Variants in GNG3 observed in about 807,000 individuals in gnomAD.
GNG3 encodes guanine nucleotide-binding protein G(I)/G(S)/G(O) subunit gamma-3.
Under a neutral mutation model 5.6 loss-of-function variants are expected in GNG3, and 4 were observed. The observed-to-expected ratio is 0.71, with a 90% CI of 0.35 to 1.63. GNG3 has a LOEUF of 1.63. Among genes scored for constraint, GNG3 ranks in the 40% most tolerant of loss-of-function variants. The pLI is 0.05. For missense variants in GNG3, 62 were observed against 96.6 expected (o/e 0.64, Z 1.50); for synonymous variants, 30 against 33.5 (o/e 0.89, Z 0.36).
chr11:62,707,611 G>A (rs1359082317), upstream of GNG3: 1 of 524,558 alleles, frequency 1.9e-6, no homozygotes, highest in Non-Finnish European at 3.4e-6. Flanking sequence ...GTGTGCGCAG[G>A]GATGCAGGCA....
chr11:62,708,605 C>A, intron 2 of GNG3, 73 bp from the exon 3 acceptor site: 1 of 1,586,812 alleles, frequency 6.3e-7, no homozygotes, highest in Non-Finnish European at 8.6e-7. Flanking sequence ...CAAAAGAGAA[C>A]CCATTTGGGG....
chr11:62,707,533 G>A, upstream of GNG3: 2 of 611,550 alleles, frequency 3.3e-6, no homozygotes, highest in Non-Finnish European at 5.8e-6. Context: ...CTGTTGGGGA[G>A]GTCTCTAGCC....
upstream of GNG3, chr11:62,707,072 G>A (rs1489485490): frequency 7.2e-6 from 11 of 1,525,948 alleles, no homozygotes; most frequent in Admixed American, 2.0e-5. Flanking sequence ...CCTATTTCCA[G>A]TATATTTCTG....
upstream of GNG3, chr11:62,707,172 T>G: frequency 6.4e-7 from 1 of 1,553,930 alleles, no homozygotes; most frequent in Non-Finnish European, 8.7e-7. Context: ...CTTCCTCCTT[T>G]TGGTCTACCT....
chr11:62,708,912 C>T lies in GNG3; in HGVS notation c.*106C>T, dbSNP rs1336624408. On this transcript the variant is annotated 3_prime_UTR_variant, in exon 3 of 3. Coordinates refer to ENST00000294117, the MANE Select transcript of GNG3 (RefSeq NM_012202.5). ...TAGGCTCCTTGCATCCCATCCCTAA[C>T]CCTTGCCTGACCATGTGAGGTTATC... 2 of 846,262 alleles carry T rather than the reference C, an allele frequency of 2.4e-6. No individual in the cohort carries two copies. The highest frequency in any genetic ancestry group is 3.9e-6 in the Non-Finnish European group (2 of 511,312). 52.4% of individuals were successfully genotyped at this position (846,262 alleles called of 1,614,324 possible). A position where few individuals can be genotyped will look rare whatever the true frequency, so the allele number is the denominator to read the frequency against.
At position 62,709,162 on chromosome 11, in the gene GNG3, G is replaced by C; in HGVS notation, c.*356G>C. ...TCAGTCTCACCTGGAGCTACTGGGA[G>C]GGTAAAGCCATTTGAAGAATAAAGT... On this transcript the variant is annotated 3_prime_UTR_variant, in exon 3 of 3. Coordinates refer to ENST00000294117, the MANE Select transcript of GNG3 (RefSeq NM_012202.5). The C allele has an allele frequency of 4.3e-6, 2 of 468,600 alleles. No individual in the cohort carries two copies. Among genetic ancestry groups the C allele is most frequent in the Non-Finnish European group, 4.2e-6 (1 of 236,402 alleles). 29.0% of individuals were successfully genotyped at this position (468,600 alleles called of 1,614,324 possible).
At chr11:62,707,151 T>G, upstream of GNG3, 1 of 1,554,710 alleles carries the variant, frequency 6.4e-7, no homozygotes, top group African/African-American at 1.4e-5. Flanking sequence ...CGCACACCTC[T>G]TTTTCCCCAG....
Position 62,708,652 on chromosome 11 carries a change from CAA to C in GNG3, c.100-25_100-24del, listed in dbSNP as rs2134753232. On this transcript the variant is annotated intron_variant, in intron 2 of 2. Transcript: ENST00000294117. ...AGTCCCCTTCAGAGGTCCTGGCTAA[CAA>C]TACCCTTCCTGGCTGTGTCCCAGGT... The C allele has an allele frequency of 2.5e-6, 4 of 1,612,510 alleles. No individual in the cohort carries two copies. In the East Asian group the frequency reaches 8.9e-5, roughly 36 times the overall value.
chr11:62,706,827 C>T (rs1270876829), upstream of GNG3: 4 of 592,482 alleles, frequency 6.8e-6, no homozygotes, highest in East Asian at 1.3e-4. Flanking sequence ...TGTGGACCTC[C>T]TCTGACCCTA....
upstream of GNG3, chr11:62,706,630 T>C: frequency 4.2e-6 from 2 of 472,600 alleles, no homozygotes; most frequent in South Asian, 3.1e-5. Context: ...ACAGGCCATT[T>C]CACCCGCGAA....
intron 1 of GNG3, 123 bp from the exon 2 acceptor site, chr11:62,708,172 G>A (rs1293456031): frequency 2.8e-6 from 2 of 726,032 alleles, no homozygotes; most frequent in East Asian, 2.5e-5. Context: ...AGGAGGAGGA[G>A]GAGGATAGGA....
intron 2 of GNG3, 40 bp downstream of exon 2, chr11:62,708,434 C>G: frequency 1.4e-6 from 2 of 1,407,726 alleles, no homozygotes; most frequent in South Asian, 1.2e-5. Context: ...GTTGGCCAGG[C>G]TGTGCTGTGC....
At chr11:62,708,090 G>A (rs2083573161) in intron 1 of GNG3, 175 bp downstream of exon 1, 1 of 597,840 alleles carries the variant, frequency 1.7e-6, no homozygotes, top group Non-Finnish European at 3.0e-6. Flanking sequence ...CAGGCCATGA[G>A]GGAGTTTGGG....
At chr11:62,706,709 C>T, upstream of GNG3, 1 of 488,228 alleles carries the variant, frequency 2.0e-6, no homozygotes, top group Non-Finnish European at 4.2e-6. Flanking sequence ...GACCTGTAGG[C>T]ATCTAAGGCG....
At chr11:62,707,320 G>A (rs1221916851), upstream of GNG3, 1 of 882,218 alleles carries the variant, frequency 1.1e-6, no homozygotes, top group Admixed American at 2.0e-5. Context: ...GAAAATGGAG[G>A]GTCCCTGGGA....
chr11:62,708,718 C>A lies in GNG3; in HGVS notation c.140C>A (p.Ala47Asp). 1.2e-6 allele frequency: 2 copies of A among 1,613,996 alleles called. No individual in the cohort carries two copies. Among genetic ancestry groups the A allele is most frequent in the Non-Finnish European group, 1.7e-6 (2 of 1,179,864 alleles). Reference sequence around the variant, plus strand: ...GCAGACCTGATGACTTACTGTGATGCCCACGCCTGTGAGGATCCCCTCATC... The same window carrying A: ...GCAGACCTGATGACTTACTGTGATGACCACGCCTGTGAGGATCCCCTCATC... ...AAADLMTYCDAHACEDPLITP... is the reference protein window; with the variant it reads ...AAADLMTYCDDHACEDPLITP... Residue 47 changes from alanine to aspartate, a missense_variant, in exon 3 of 3, where the codon GCC becomes GAC. Physicochemically the swap from Ala to Asp is moderately radical, Grantham distance 126 (BLOSUM62 -2). Around this residue, in one of 2 missense-constraint regions of GNG3, gnomAD observed 58 missense variants for 75.4 expected, o/e 0.77. Coordinates refer to ENST00000294117, the MANE Select transcript of GNG3 (RefSeq NM_012202.5).
chr11:62,708,517 G>A, intron 2 of GNG3, 123 bp downstream of exon 2: 1 of 1,233,364 alleles, frequency 8.1e-7, no homozygotes, highest in South Asian at 1.3e-5. Flanking sequence ...AGGAGTCTGG[G>A]GCTCTGTAGA....
chr11:62,707,443 C>G, upstream of GNG3: 1 of 695,884 alleles, frequency 1.4e-6, no homozygotes, highest in Non-Finnish European at 2.6e-6. Context: ...TCCCCCGCAG[C>G]CAGTACAGAC....
Position 62,708,602 on chromosome 11 carries a change from G to T in GNG3, c.100-76G>T, listed in dbSNP as rs2083582632. On this transcript the variant is annotated intron_variant, in intron 2 of 2. Transcript: ENST00000294117. ...AAGGAGCCCTGGAGATGGCAAAAGA[G>T]AACCCATTTGGGGAGGGAGGCTGCA... 3 of 1,585,192 alleles carry T rather than the reference G, an allele frequency of 1.9e-6. No individual in the cohort carries two copies. In the South Asian group the frequency reaches 3.4e-5, roughly 18 times the overall value.
Sources: gnomAD v4.1 joint callset for allele counts on GRCh38, gnomAD v4.1.1 for gene constraint, gnomAD v4.1.1 regional missense constraint, MANE v1.5 for transcripts, NCBI Gene and HGNC (gene_info 2026-07-23, HGNC 2026-07-21) for gene names.